The following SNTG1 variants were observed in gnomAD, a reference collection of about 807,000 sequenced individuals.
The protein encoded by SNTG1 is syntrophin gamma 1.
Under a neutral mutation model 74.7 loss-of-function variants are expected in SNTG1, and 39 were observed. The observed-to-expected ratio is 0.52, with a 90% CI of 0.40 to 0.68. The LOEUF is 0.68. SNTG1 is among the 30% of genes least tolerant of loss of function. The probability of loss-of-function intolerance (pLI) is 0.00; values close to 1 mark genes in which losing one functional copy is unlikely to be tolerated. For synonymous variants in SNTG1, 254 were observed against 217.1 expected, an observed-to-expected ratio of 1.17 and a Z score of -1.49; for missense variants, 685 against 609.5, an observed-to-expected ratio of 1.12 and a Z score of -1.30.
chr8:50,476,409 T>C (rs1433328700), intron 8 of SNTG1, among the ~76,000 whole-genome samples: 2 of 152,128 alleles, frequency 1.3e-5, no homozygotes, highest in Non-Finnish European at 2.9e-5. Context: ...TAAAGTTGTT[T>C]TTCATGGATT....
At chr8:50,770,282 C>G (rs1473539046) in intron 18 of SNTG1, among the ~76,000 whole-genome samples, 1 of 152,062 alleles carries the variant, frequency 6.6e-6, no homozygotes, top group Non-Finnish European at 1.5e-5. Flanking sequence ...TCATAATTAT[C>G]AGAATCAATG....
intron 2 of SNTG1, among the ~76,000 whole-genome samples, chr8:50,303,538 C>T (rs1255647434): frequency 3.3e-5 from 5 of 151,750 alleles, no homozygotes; most frequent in Admixed American, 3.3e-4. Flanking sequence ...ACTACCTAAC[C>T]TATATAATAT....
intron 13 of SNTG1, among the ~76,000 whole-genome samples, chr8:50,622,914 C>CGATGTTTTCG (rs2094932572): frequency 6.6e-6 from 1 of 151,844 alleles, no homozygotes; most frequent in South Asian, 2.1e-4. Context: ...GATGAATTAC[C>CGATGTTTTCG]GATGTTTTCG....
intron 1 of SNTG1, among the ~76,000 whole-genome samples, chr8:50,057,154 T>C (rs1425200963): frequency 6.6e-6 from 1 of 152,138 alleles, no homozygotes; most frequent in Non-Finnish European, 1.5e-5. Context: ...ATTTCTTTCA[T>C]TTTTAAGGGA....
At chr8:49,990,534 T>G (rs868867009) in intron 1 of SNTG1, among the ~76,000 whole-genome samples, 1 of 152,048 alleles carries the variant, frequency 6.6e-6, no homozygotes, top group Non-Finnish European at 1.5e-5. Context: ...ATATATGTAT[T>G]ACAAAACTAC....
Position 50,709,150 on chromosome 8 carries a change from T to C in SNTG1, c.1284+172T>C, listed in dbSNP as rs1208524926. On this transcript the variant is annotated intron_variant, in intron 17 of 18. Transcript: ENST00000642720. ...GCTTCGATCTGAAAAAAAGTTTGAA[T>C]TTTTAATAAAACATATGTAGTACCA... 5.1e-6 allele frequency: 3 copies of C among 588,908 alleles called. No individual in the cohort carries two copies. In the African/African-American group the frequency reaches 5.6e-5, roughly 11 times the overall value. The allele number at this position is 588,908 out of a possible 1,614,324, so 36.5% of individuals were successfully genotyped here.
intron 1 of SNTG1, among the ~76,000 whole-genome samples, chr8:49,948,761 G>A (rs1809434142): frequency 6.6e-6 from 1 of 152,172 alleles, no homozygotes; most frequent in Non-Finnish European, 1.5e-5. Flanking sequence ...TAGTGAGAAG[G>A]ATGCAGTGTC....
At chr8:50,707,772 C>T (rs555180134) in intron 16 of SNTG1, 13 of 284,372 alleles carry the variant, frequency 4.6e-5, no homozygotes, top group South Asian at 3.4e-4. Context: ...TGGAATATCC[C>T]ACTACGATTT....
chr8:49,930,611 T>A (rs1807489984), intron 1 of SNTG1, among the ~76,000 whole-genome samples: 2 of 152,122 alleles, frequency 1.3e-5, no homozygotes, highest in Non-Finnish European at 2.9e-5. Flanking sequence ...TTATATATGT[T>A]GGAAATTTTC....
At chr8:50,725,134 G>A (rs1346112931) in intron 17 of SNTG1, among the ~76,000 whole-genome samples, 1 of 152,126 alleles carries the variant, frequency 6.6e-6, no homozygotes, top group African/African-American at 2.4e-5. Flanking sequence ...AGAATGATTT[G>A]TAAATATACC....
chr8:50,213,019 C>T (rs1190795340), intron 2 of SNTG1, among the ~76,000 whole-genome samples: 1 of 152,180 alleles, frequency 6.6e-6, no homozygotes, highest in Non-Finnish European at 1.5e-5. Context: ...ATTTCTTCTG[C>T]CTCTAAACTA....
chr8:50,022,940 CAATT>C (rs1222666921), intron 1 of SNTG1, among the ~76,000 whole-genome samples: 1 of 152,046 alleles, frequency 6.6e-6, no homozygotes, highest in Non-Finnish European at 1.5e-5. Context: ...GTTAAATAGA[CAATT>C]AGAGTTATTT....
chr8:50,760,894 CA>C (rs1563814863), intron 18 of SNTG1, among the ~76,000 whole-genome samples: 1 of 151,718 alleles, frequency 6.6e-6, no homozygotes, highest in Non-Finnish European at 1.5e-5. Context: ...GCCTACCAAC[CA>C]AAAAAAGTCC....
chr8:50,691,628 T>C (rs1054845253), intron 15 of SNTG1, among the ~76,000 whole-genome samples: 2 of 152,248 alleles, frequency 1.3e-5, no homozygotes, highest in Non-Finnish European at 2.9e-5. Context: ...GCTGTTAGTC[T>C]GATGGGCTTC....
intron 1 of SNTG1, among the ~76,000 whole-genome samples, chr8:49,923,136 C>T (rs1053784595): frequency 6.6e-6 from 1 of 152,066 alleles, no homozygotes; most frequent in African/African-American, 2.4e-5. Flanking sequence ...AGATATCCCA[C>T]CTTGTTTTTA....
chr8:50,206,202 A>C (rs971327884), intron 2 of SNTG1, among the ~76,000 whole-genome samples: 1 of 152,208 alleles, frequency 6.6e-6, no homozygotes. Flanking sequence ...ATCCATGACC[A>C]TGGAATGTTC....
intron 15 of SNTG1, among the ~76,000 whole-genome samples, chr8:50,696,826 A>G (rs2095406921): frequency 1.3e-5 from 2 of 151,974 alleles, no homozygotes; most frequent in Non-Finnish European, 1.5e-5. Flanking sequence ...TGCCAGTACC[A>G]TGCTATTTTG....
At chr8:50,404,714 G>T (rs2092849622) in intron 4 of SNTG1, among the ~76,000 whole-genome samples, 1 of 151,800 alleles carries the variant, frequency 6.6e-6, no homozygotes, top group Non-Finnish European at 1.5e-5. Context: ...AGCATTTCGT[G>T]CATTCATTTT....
Position 50,600,453 on chromosome 8 carries a change from G to A in SNTG1, c.849+9536G>A, listed in dbSNP as rs550766767. ...TTTCTTTACTGGGAGACTCATTAGA[G>A]CTCCAATCTCCTTCTTTGTGATTGG... is the stretch of plus-strand genomic sequence containing the variant. On this transcript the variant is annotated intron_variant, in intron 13 of 18. Coordinates refer to ENST00000642720, the MANE Select transcript of SNTG1 (RefSeq NM_018967.5). Among the ~76,000 whole-genome samples the A allele has an allele frequency of 5.3e-5, 8 of 150,002 alleles. No individual in the cohort carries two copies. The East Asian group carries it at 1.6e-3, about 30-fold the overall frequency.
Sources: gnomAD v4.1 joint callset for allele counts (sites outside exome capture counted in the v4.1 genomes callset) on GRCh38, gnomAD v4.1.1 for gene constraint, MANE v1.5 for transcripts, NCBI Gene and HGNC (gene_info 2026-07-23, HGNC 2026-07-21) for gene names.